The following CADM2 variants were observed in gnomAD, a reference collection of about 807,000 sequenced individuals.
CADM2 encodes immunoglobulin superfamily member 4D.
A neutral mutation model predicts 49.8 loss-of-function variants in CADM2; 12 were observed. The ratio of observed to expected loss-of-function variants is 0.24; its 90% CI spans 0.15 to 0.39. CADM2 has a LOEUF of 0.39. CADM2 is among the 10% of genes least tolerant of loss of function. CADM2 has a pLI of 1.00. For synonymous variants in CADM2, 214 were observed against 175.4 expected (o/e 1.22, Z -1.74); for missense variants, 378 against 492.3 (o/e 0.77, Z 2.20).
At chr3:85,231,994 C>T (rs974611576) in intron 1 of CADM2, among the ~76,000 whole-genome samples, 5 of 151,792 alleles carry the variant, frequency 3.3e-5, no homozygotes, top group African/African-American at 7.3e-5. Context: ...GGATTACAGA[C>T]GTGAGCCATT....
intron 1 of CADM2, among the ~76,000 whole-genome samples, chr3:85,181,371 G>A (rs1322180422): frequency 6.6e-6 from 1 of 152,028 alleles, no homozygotes; most frequent in Non-Finnish European, 1.5e-5. Flanking sequence ...TCCTCATGTT[G>A]GGGATAAGTT....
intron 1 of CADM2, among the ~76,000 whole-genome samples, chr3:85,672,439 G>A (rs1402801588): frequency 2.0e-5 from 3 of 151,850 alleles, no homozygotes; most frequent in Admixed American, 1.3e-4. Context: ...TGATCCGCTC[G>A]CCTTGGCTTT....
intron 1 of CADM2, among the ~76,000 whole-genome samples, chr3:85,034,436 T>C (rs924571136): frequency 1.3e-5 from 2 of 152,196 alleles, no homozygotes; most frequent in African/African-American, 4.8e-5. Flanking sequence ...ATCTCATTCT[T>C]TTTTACGGCT....
chr3:85,825,150 G>C (rs2073833879), intron 3 of CADM2, among the ~76,000 whole-genome samples: 1 of 152,038 alleles, frequency 6.6e-6, no homozygotes, highest in Non-Finnish European at 1.5e-5. Context: ...AAGCATCTGA[G>C]AACAGCATAA....
chr3:85,371,619 C>CTGTGTGTGTGTG (rs71108284), intron 1 of CADM2, among the ~76,000 whole-genome samples: 3 of 124,668 alleles, frequency 2.4e-5, no homozygotes, highest in African/African-American at 6.1e-5. Flanking sequence ...CCACACATCA[C>CTGTGTGTGTGTG]TGTGTGTGTG....
intron 2 of CADM2, among the ~76,000 whole-genome samples, chr3:85,744,914 C>G (rs574785815): frequency 6.6e-4 from 100 of 152,164 alleles, no homozygotes; most frequent in African/African-American, 2.3e-3. Flanking sequence ...CATGCTCTGC[C>G]TTATGAATTT....
intron 1 of CADM2, among the ~76,000 whole-genome samples, chr3:85,326,060 G>A (rs888761726): frequency 6.6e-6 from 1 of 152,064 alleles, no homozygotes; most frequent in Non-Finnish European, 1.5e-5. Context: ...AATGATACAC[G>A]ATGTCCTCTT....
intron 1 of CADM2, among the ~76,000 whole-genome samples, chr3:85,073,857 A>T (rs1178561518): frequency 6.6e-6 from 1 of 152,170 alleles, no homozygotes; most frequent in Non-Finnish European, 1.5e-5. Flanking sequence ...ATATTCAAAA[A>T]GTTAACAGTT....
In CADM2 at chr3:86,014,110, T is replaced by A. The variant is rs1047283161; in HGVS notation, c.971-51495T>A. The A allele has an allele frequency of 2.3e-6, 3 of 1,292,890 alleles. No homozygotes were observed. In the African/African-American group the frequency reaches 4.5e-5, roughly 19 times the overall value. 80.1% of individuals were successfully genotyped at this position (1,292,890 alleles called of 1,614,324 possible). A position where few individuals can be genotyped will look rare whatever the true frequency, so the allele number is the denominator to read the frequency against. On this transcript the variant is annotated intron_variant, in intron 8 of 9. Coordinates refer to ENST00000383699, the MANE Select transcript of CADM2 (RefSeq NM_001167675.2). ...AAAGAACTGAAGGAAATCTGCCATT[T>A]TCAGTGGACACGCAGGCATGATGCT...
At chr3:85,027,109 CTTTTTT>C (rs1160735135) in intron 1 of CADM2, among the ~76,000 whole-genome samples, 3 of 55,688 alleles carry the variant, frequency 5.4e-5, no homozygotes, top group African/African-American at 9.7e-5. Context: ...TTTCTTTTTC[CTTTTTT>C]TTTTTTTTTT....
At chr3:86,050,544 A>G (rs1737211542) in intron 8 of CADM2, among the ~76,000 whole-genome samples, 1 of 152,200 alleles carries the variant, frequency 6.6e-6, no homozygotes, top group Non-Finnish European at 1.5e-5. Flanking sequence ...GCACTGCCCT[A>G]GTAGAGGTTC....
intron 1 of CADM2, among the ~76,000 whole-genome samples, chr3:85,465,394 GA>G (rs1204916735): frequency 6.6e-6 from 1 of 152,004 alleles, no homozygotes; most frequent in Non-Finnish European, 1.5e-5. Context: ...AGTACATTTT[GA>G]TGAACAAAAT....
chr3:85,998,468 C>A (rs1471416660), intron 8 of CADM2, among the ~76,000 whole-genome samples: 5 of 151,860 alleles, frequency 3.3e-5, no homozygotes, highest in African/African-American at 4.8e-5. Context: ...GAGAGGACAG[C>A]AAAAATATAT....
chr3:85,255,390 G>A (rs1438857436), intron 1 of CADM2, among the ~76,000 whole-genome samples: 1 of 152,050 alleles, frequency 6.6e-6, no homozygotes, highest in East Asian at 1.9e-4. Context: ...TAGTGGACAT[G>A]AGCTGGATTT....
At chr3:85,684,465 A>C (rs2066142635) in intron 1 of CADM2, among the ~76,000 whole-genome samples, 2 of 152,234 alleles carry the variant, frequency 1.3e-5, no homozygotes, top group South Asian at 4.1e-4. Flanking sequence ...AGAGAGAGAG[A>C]GGGAGAGACT....
intron 1 of CADM2, among the ~76,000 whole-genome samples, chr3:85,602,625 T>C (rs906264919): frequency 6.6e-6 from 1 of 151,808 alleles, no homozygotes; most frequent in Admixed American, 6.6e-5. Context: ...ATAGGACATG[T>C]ATATTAGAAT....
chr3:86,011,254 A>G (rs1182223432), intron 8 of CADM2, among the ~76,000 whole-genome samples: 1 of 152,102 alleles, frequency 6.6e-6, no homozygotes, highest in African/African-American at 2.4e-5. Flanking sequence ...CTAGCAAATA[A>G]TATACAATCA....
At chr3:85,135,869 C>T (rs2039402983) in intron 1 of CADM2, among the ~76,000 whole-genome samples, 1 of 151,992 alleles carries the variant, frequency 6.6e-6, no homozygotes, top group East Asian at 1.9e-4. Context: ...GTTCAAAGCA[C>T]TTACTTCTGT....
chr3:85,658,451 ACTT>A (rs1472978656), intron 1 of CADM2, among the ~76,000 whole-genome samples: 2 of 151,510 alleles, frequency 1.3e-5, no homozygotes, highest in African/African-American at 4.8e-5. Flanking sequence ...AGTCTGTACT[ACTT>A]TGTTATGGCA....
Sources: allele counts gnomAD v4.1 joint callset (sites outside exome capture counted in the v4.1 genomes callset), GRCh38; gene constraint gnomAD v4.1.1; transcripts MANE v1.5; gene names NCBI Gene and HGNC (gene_info 2026-07-23, HGNC 2026-07-21).